Variants in MBNL1 observed in about 807,000 individuals in gnomAD.
MBNL1 encodes the protein muscleblind-like protein 1.
MBNL1 carries 8 observed loss-of-function variants against 42.2 expected under a neutral mutation model. The observed-to-expected ratio is 0.19, with a 90% CI of 0.11 to 0.34. The LOEUF is 0.34. Ranked by LOEUF, MBNL1 falls within the 10% of genes least tolerant of loss-of-function variation. The pLI is 1.00. For synonymous variants in MBNL1, 169 were observed against 173.9 expected (o/e 0.97, Z 0.22); for missense variants, 309 against 495.3 (o/e 0.62, Z 3.57).
intron 2 of MBNL1, among the ~76,000 whole-genome samples, chr3:152,391,036 T>A (rs11919180): frequency 0.071 from 10,839 of 152,302 alleles, 510 homozygotes; most frequent in Middle Eastern, 0.16. Flanking sequence ...CACACAAATG[T>A]TCATTTAAAT....
intron 2 of MBNL1, among the ~76,000 whole-genome samples, chr3:152,381,260 G>T (rs188732589): frequency 2.4e-3 from 365 of 152,058 alleles, no homozygotes; most frequent in African/African-American, 8.0e-3. Flanking sequence ...TATATGTAAA[G>T]GTAGCAGCAG....
intron 6 of MBNL1, among the ~76,000 whole-genome samples, chr3:152,450,727 A>G (rs2153897685): frequency 6.6e-6 from 1 of 152,330 alleles, no homozygotes; most frequent in South Asian, 2.1e-4. Context: ...GGTTGGTTGT[A>G]AGAAACCCGC....
rs763713133 is a variant in MBNL1 at position 152,414,935 on chromosome 3, C to G, written c.175-6C>G. 12 of 1,607,300 alleles carry G rather than the reference C, an allele frequency of 7.5e-6. No homozygotes were observed. The Admixed American group carries it at 1.7e-4, about 23-fold the overall frequency. On this transcript the variant is annotated splice_polypyrimidine_tract_variant and splice_region_variant and intron_variant, in intron 2 of 9. Transcript: ENST00000324210. Reference sequence around the variant, plus strand: ...AAGATGATGTTTGCTGCTTTTGTTTCTCTAGGGCCGTTGCTCCAGGGAGAA... The same window carrying G: ...AAGATGATGTTTGCTGCTTTTGTTTGTCTAGGGCCGTTGCTCCAGGGAGAA...
At chr3:152,243,811 C>T (rs1331976537), upstream of MBNL1, 1 of 152,000 alleles carries the variant, frequency 6.6e-6, no homozygotes, top group Non-Finnish European at 1.5e-5. Flanking sequence ...CTTTTCTTTT[C>T]TTTTCTTTTT....
intron 1 of MBNL1, among the ~76,000 whole-genome samples, chr3:152,294,019 CTT>C (rs1033556510): frequency 4.6e-5 from 7 of 151,612 alleles, no homozygotes; most frequent in Non-Finnish European, 8.8e-5. Context: ...TTTCATTCTT[CTT>C]TATCCTTTTC....
At chr3:152,447,821 G>A (rs774090975) in intron 6 of MBNL1, 48 bp downstream of exon 6, 10 of 1,571,518 alleles carry the variant, frequency 6.4e-6, no homozygotes, top group Non-Finnish European at 8.7e-6. Context: ...TCTACAGAGA[G>A]TCCTACTGTT....
chr3:152,373,650 A>G (rs896599077), intron 2 of MBNL1, among the ~76,000 whole-genome samples: 4 of 152,006 alleles, frequency 2.6e-5, no homozygotes, highest in Non-Finnish European at 1.5e-5. Flanking sequence ...CCCACTGTCT[A>G]ACCTGTACCA....
intron 2 of MBNL1, among the ~76,000 whole-genome samples, chr3:152,249,249 T>TC (rs2033972674): frequency 7.8e-6 from 1 of 128,778 alleles, no homozygotes; most frequent in South Asian, 2.9e-4. Context: ...GTAAAAGTGT[T>TC]CCTATTTCTC....
chr3:152,371,836 A>G (rs1442640629), intron 2 of MBNL1, among the ~76,000 whole-genome samples: 17 of 151,936 alleles, frequency 1.1e-4, no homozygotes, highest in Non-Finnish European at 2.9e-5. Context: ...CCTGAACTTG[A>G]ATGTTGGTCT....
intron 2 of MBNL1, among the ~76,000 whole-genome samples, chr3:152,357,870 C>T (rs2095638627): frequency 6.6e-6 from 1 of 152,136 alleles, no homozygotes; most frequent in Admixed American, 6.5e-5. Flanking sequence ...TGGCATGCAT[C>T]ATCAGCTTAT....
intron 2 of MBNL1, among the ~76,000 whole-genome samples, chr3:152,347,021 T>A (rs987146050): frequency 9.2e-5 from 14 of 151,910 alleles, no homozygotes; most frequent in African/African-American, 3.1e-4. Flanking sequence ...TCTACAAAAA[T>A]TTTTTTAAAA....
intron 2 of MBNL1, among the ~76,000 whole-genome samples, chr3:152,404,502 A>C (rs2098364086): frequency 6.6e-6 from 1 of 152,110 alleles, no homozygotes; most frequent in Non-Finnish European, 1.5e-5. Flanking sequence ...CAAATACAAC[A>C]AATGCCTCAT....
chr3:152,367,906 T>C (rs1474607771), intron 2 of MBNL1, among the ~76,000 whole-genome samples: 1 of 152,168 alleles, frequency 6.6e-6, no homozygotes, highest in East Asian at 1.9e-4. Flanking sequence ...AAGTTTCTTG[T>C]GAATTCTGGA....
intron 3 of MBNL1, among the ~76,000 whole-genome samples, chr3:152,427,452 A>G (rs2098947356): frequency 1.3e-5 from 2 of 152,108 alleles, no homozygotes; most frequent in South Asian, 2.1e-4. Context: ...GCAGTGGTGC[A>G]GTCGTAGCAT....
chr3:152,384,487 T>C (rs942212808), intron 2 of MBNL1, among the ~76,000 whole-genome samples: 1 of 152,116 alleles, frequency 6.6e-6, no homozygotes, highest in Non-Finnish European at 1.5e-5. Flanking sequence ...TTGATTGCCA[T>C]TTAAAAACCA....
At chr3:152,459,126 CTTACTG>C (rs1313063745) in intron 8 of MBNL1, 139 bp from the exon 9 acceptor site, 1 of 438,278 alleles carries the variant, frequency 2.3e-6, no homozygotes, top group Non-Finnish European at 4.1e-6. Flanking sequence ...TTTACATTAA[CTTACTG>C]TTATGTTGAC....
At chr3:152,326,771 TG>T (rs1362489777) in intron 2 of MBNL1, among the ~76,000 whole-genome samples, 9 of 147,624 alleles carry the variant, frequency 6.1e-5, no homozygotes, top group Non-Finnish European at 1.2e-4. Context: ...ATTTTTCCCT[TG>T]GGAAAATTAT....
At chr3:152,320,740 A>G (rs1312011240) in intron 2 of MBNL1, among the ~76,000 whole-genome samples, 1 of 136,352 alleles carries the variant, frequency 7.3e-6, no homozygotes, top group African/African-American at 2.8e-5. Flanking sequence ...AAGAGTTTTG[A>G]TTAGTATTGG....
At chr3:152,284,265 A>G (rs962874513) in intron 1 of MBNL1, among the ~76,000 whole-genome samples, 10 of 152,140 alleles carry the variant, frequency 6.6e-5, no homozygotes, top group African/African-American at 2.4e-4. Context: ...AAGAAGCACA[A>G]TTAGAGAAAC....
Sources: gnomAD v4.1 joint callset for allele counts (sites outside exome capture counted in the v4.1 genomes callset) on GRCh38, gnomAD v4.1.1 for gene constraint, MANE v1.5 for transcripts, NCBI Gene and HGNC (gene_info 2026-07-23, HGNC 2026-07-21) for gene names.